The following NBEA variants were observed in gnomAD, a reference collection of about 807,000 sequenced individuals.
NBEA encodes the protein neurobeachin.
NBEA carries 44 observed loss-of-function variants against 343.4 expected under a neutral mutation model. The observed-to-expected ratio is 0.13, with a 90% CI of 0.10 to 0.16. The LOEUF is 0.16. NBEA is among the 10% of genes least tolerant of loss of function. The probability of loss-of-function intolerance (pLI) is 1.00; values close to 1 mark genes in which losing one functional copy is unlikely to be tolerated. For synonymous variants in NBEA, 1,175 were observed against 1,238.7 expected, an observed-to-expected ratio of 0.95 and a Z score of 1.08; for missense variants, 2,555 against 3,631.3, an observed-to-expected ratio of 0.70 and a Z score of 7.62.
intron 36 of NBEA, among the ~76,000 whole-genome samples, chr13:35,334,747 G>T (rs774251300): frequency 6.6e-6 from 1 of 152,090 alleles, no homozygotes; most frequent in Non-Finnish European, 1.5e-5. Flanking sequence ...TATATATTCT[G>T]GTTATTAATC....
chr13:35,185,787 CTAT>C (rs1270605802), intron 30 of NBEA: 1 of 152,054 alleles, frequency 6.6e-6, no homozygotes, highest in African/African-American at 2.4e-5. Context: ...GGTAAACTTG[CTAT>C]TATTCTTTAT....
At chr13:35,352,469 A>C in intron 38 of NBEA, 146 bp downstream of exon 38, 1 of 486,402 alleles carries the variant, frequency 2.1e-6, no homozygotes. Flanking sequence ...TGAAATCTTT[A>C]ATAATTCTTC....
At chr13:35,611,863 T>C (rs1232335988) in intron 48 of NBEA, among the ~76,000 whole-genome samples, 1 of 152,250 alleles carries the variant, frequency 6.6e-6, no homozygotes. Flanking sequence ...GTAATGCTGC[T>C]ATGAACAGTC....
intron 47 of NBEA, among the ~76,000 whole-genome samples, chr13:35,596,632 T>C (rs1218689495): frequency 6.6e-6 from 1 of 152,132 alleles, no homozygotes; most frequent in African/African-American, 2.4e-5. Flanking sequence ...TTTATTATTA[T>C]TTTTTAAATT....
chr13:34,959,069 GA>G (rs1482774579), intron 1 of NBEA, among the ~76,000 whole-genome samples: 1 of 151,932 alleles, frequency 6.6e-6, no homozygotes, highest in South Asian at 2.1e-4. Flanking sequence ...GTATGTTACA[GA>G]AAAAATACCT....
At chr13:35,348,749 A>G (rs1364901211) in intron 36 of NBEA, among the ~76,000 whole-genome samples, 4 of 152,066 alleles carry the variant, frequency 2.6e-5, no homozygotes, top group African/African-American at 7.2e-5. Flanking sequence ...TTGATTTCCT[A>G]AAGTGTGGTC....
At position 35,669,977 on chromosome 13, in the gene NBEA, G is replaced by A. The variant is rs143814291; in HGVS notation, c.8814-924G>A. On this transcript the variant is annotated intron_variant, in intron 58 of 58. Coordinates refer to ENST00000379939, the MANE Select transcript of NBEA (RefSeq NM_001385012.1). ...TATTCAAAGTTGCAGTAGTATTAGG[G>A]GGTCTCAATGGAGGGGGGAAAGATA... Among the ~76,000 whole-genome samples, 1,097 of 151,984 alleles carry A rather than the reference G, an allele frequency of 7.2e-3. 5 individuals carry two copies. Among genetic ancestry groups the A allele is most frequent in the South Asian group, 0.016 (77 of 4,816 alleles).
chr13:35,659,429 A>G (rs1277220575), intron 55 of NBEA, among the ~76,000 whole-genome samples: 1 of 152,260 alleles, frequency 6.6e-6, no homozygotes, highest in African/African-American at 2.4e-5. Context: ...TCATTATTAT[A>G]TTGTAATAGA....
At chr13:35,510,271 C>A (rs2077226209) in intron 41 of NBEA, among the ~76,000 whole-genome samples, 2 of 152,254 alleles carry the variant, frequency 1.3e-5, no homozygotes, top group Admixed American at 6.5e-5. Context: ...TTTTTATTCA[C>A]AACTTAAATA....
chr13:35,427,015 A>G (rs1163930589), intron 38 of NBEA, among the ~76,000 whole-genome samples: 1 of 152,104 alleles, frequency 6.6e-6, no homozygotes, highest in Non-Finnish European at 1.5e-5. Context: ...TGCATTGGTT[A>G]TTCTAGTTAG....
intron 41 of NBEA, among the ~76,000 whole-genome samples, chr13:35,537,408 T>A (rs2153002721): frequency 6.6e-6 from 1 of 152,226 alleles, no homozygotes; most frequent in South Asian, 2.1e-4. Context: ...GATTTTTTAC[T>A]GAGTTTCGAC....
intron 38 of NBEA, among the ~76,000 whole-genome samples, chr13:35,431,710 T>A (rs1385560947): frequency 6.6e-6 from 1 of 152,190 alleles, no homozygotes; most frequent in Non-Finnish European, 1.5e-5. Flanking sequence ...TAAAATTGCA[T>A]TTTTCTCAGG....
intron 41 of NBEA, among the ~76,000 whole-genome samples, chr13:35,510,629 A>G (rs2077241707): frequency 6.6e-6 from 1 of 152,200 alleles, no homozygotes; most frequent in African/African-American, 2.4e-5. Context: ...CAAAGGAATA[A>G]AAAAGAAGGA....
At chr13:35,483,676 C>G (rs1314944681) in intron 41 of NBEA, among the ~76,000 whole-genome samples, 3 of 151,988 alleles carry the variant, frequency 2.0e-5, no homozygotes, top group Non-Finnish European at 4.4e-5. Flanking sequence ...CCAAGATATA[C>G]AAATTATTTA....
chr13:35,131,426 A>G (rs2067421514), intron 17 of NBEA, among the ~76,000 whole-genome samples: 1 of 152,306 alleles, frequency 6.6e-6, no homozygotes, highest in South Asian at 2.1e-4. Flanking sequence ...CATTTCATCT[A>G]TTTATTAACA....
At chr13:35,669,993 G>A (rs2085533006) in intron 58 of NBEA, among the ~76,000 whole-genome samples, 1 of 151,594 alleles carries the variant, frequency 6.6e-6, no homozygotes, top group Admixed American at 6.6e-5. Context: ...CAATGGAGGG[G>A]GGAAAGATAC....
chr13:35,422,806 T>C lies in NBEA; in HGVS notation c.6180-9463T>C, dbSNP rs969658308. Among the ~76,000 whole-genome samples, 27 of 152,288 alleles carry C rather than the reference T, an allele frequency of 1.8e-4. No homozygotes were observed. In the East Asian group the frequency reaches 3.7e-3, roughly 21 times the overall value. On this transcript the variant is annotated intron_variant, in intron 38 of 58. Transcript: ENST00000379939. ...CTATTTCTCCACATCCTCTCCAGCA[T>C]CTGTTGTTTCCTGACTTTTTAATGA...
chr13:35,436,078 G>A (rs1435918257), intron 39 of NBEA, among the ~76,000 whole-genome samples: 1 of 151,356 alleles, frequency 6.6e-6, no homozygotes, highest in African/African-American at 2.4e-5. Context: ...AAAAAGAATG[G>A]ACTCAAAAAA....
chr13:35,526,438 G>C lies in NBEA; in HGVS notation c.6586-24039G>C, dbSNP rs934357321. On this transcript the variant is annotated intron_variant, in intron 41 of 58. Transcript: ENST00000379939. ...AGGCCCGTGGATCACTTGAATCCAG[G>C]AGCTCAAGACCAGCTTGGGCAACAT... 3.9e-5 allele frequency among the ~76,000 whole-genome samples: 6 copies of C among 152,156 alleles called. No homozygotes were observed. The East Asian group carries it at 1.2e-3, about 29-fold the overall frequency.
Sources: allele counts gnomAD v4.1 joint callset (sites outside exome capture counted in the v4.1 genomes callset), GRCh38; gene constraint gnomAD v4.1.1; transcripts MANE v1.5; gene names NCBI Gene and HGNC (gene_info 2026-07-23, HGNC 2026-07-21).